Variants in SGSH observed in about 807,000 individuals in gnomAD.
SGSH encodes N-sulfoglucosamine sulfohydrolase.
A neutral mutation model predicts 51.0 loss-of-function variants in SGSH; 48 were observed. The observed-to-expected ratio is 0.94, with a 90% CI of 0.75 to 1.20. The LOEUF is 1.20. SGSH is among the 50% of genes most tolerant of loss of function. The pLI is 0.00. For missense variants in SGSH, 662 were observed against 717.8 expected (o/e 0.92, Z 0.89); for synonymous variants, 321 against 313.4 (o/e 1.02, Z -0.26).
chr17:80,209,265 A>G, downstream of SGSH: 1 of 947,966 alleles, frequency 1.1e-6, no homozygotes, highest in Non-Finnish European at 1.3e-6. Flanking sequence ...TCAGGTTGGT[A>G]TCATCATAAA....
chr17:80,204,896 C>A, downstream of SGSH: 1 of 710,674 alleles, frequency 1.4e-6, no homozygotes, highest in Non-Finnish European at 2.3e-6. Flanking sequence ...AGTCCTGTGA[C>A]CGCTGAGCCT....
Position 80,215,038 on chromosome 17 carries a change from C to A in SGSH, c.350G>T (p.Arg117Leu). ...CCTCGGCACGGGGTCCTCACCTGTGCGCACACCAGCTTGGCTGAGCAGCAG... is the reference window on the plus strand; with the variant it reads ...CCTCGGCACGGGGTCCTCACCTGTGAGCACACCAGCTTGGCTGAGCAGCAG... ...LPLLLSQAGV[R>L]TGIIGKKHVG... The change falls in exon 3 of 8, where the codon CGC (arginine) becomes CTC (leucine). Residue 117 changes from arginine (R) to leucine (L), a missense_variant. Transcript: ENST00000326317. 2 of 1,609,636 alleles carry A rather than the reference C, an allele frequency of 1.2e-6. No homozygotes were observed. Among genetic ancestry groups the A allele is most frequent in the Non-Finnish European group, 8.5e-7 (1 of 1,179,170 alleles).
At chr17:80,218,428 C>G (rs1484337206) in intron 1 of SGSH, among the ~76,000 whole-genome samples, 1 of 152,236 alleles carries the variant, frequency 6.6e-6, no homozygotes, top group Non-Finnish European at 1.5e-5. Context: ...CTTCTTCCCC[C>G]TGCTCTGGAG....
downstream of SGSH, chr17:80,203,613 G>A (rs569698744): frequency 2.0e-5 from 10 of 501,554 alleles, no homozygotes; most frequent in East Asian, 9.9e-5. This position sits in a 1 kb window ranked among gnomAD's most constrained non-coding sequence, Gnocchi z 4.6. Flanking sequence ...GGGGTGGGCC[G>A]AGGCCCTGGA....
chr17:80,208,214 C>T (rs768891477), downstream of SGSH: 62 of 1,559,066 alleles, frequency 4.0e-5, no homozygotes, highest in African/African-American at 6.3e-4. Context: ...AGACCTGGAC[C>T]GGGCGCCCTG....
chr17:80,204,877 C>T (rs1446969009), downstream of SGSH: 33 of 627,306 alleles, frequency 5.3e-5, no homozygotes, highest in East Asian at 7.8e-4. Flanking sequence ...GGCTATGGAA[C>T]TGGGAGTGAG....
At chr17:80,204,427 CA>C (rs1277527935), downstream of SGSH, 22 of 1,296,712 alleles carry the variant, frequency 1.7e-5, no homozygotes, top group Non-Finnish European at 2.2e-5. Context: ...TCAGCTGGGG[CA>C]GGGGGATGCC....
rs9913932 is a variant in SGSH at position 80,212,961 on chromosome 17, T to C, written c.746-687A>G. ...ATCCCAGCACTTTGGGAGGCTGAGGTGGGCGGATCACGAGGTCAGGAGTTC... is the reference window on the plus strand; with the variant it reads ...ATCCCAGCACTTTGGGAGGCTGAGGCGGGCGGATCACGAGGTCAGGAGTTC... On this transcript the variant is annotated intron_variant, in intron 6 of 7. Coordinates refer to ENST00000326317, the MANE Select transcript of SGSH (RefSeq NM_000199.5). The surrounding 1 kb of genome is among the most constrained non-coding windows in gnomAD (Gnocchi z 5.9). 0.027 allele frequency: 4,147 copies of C among 156,248 alleles called. 171 individuals are homozygous for C. Among genetic ancestry groups the C allele is most frequent in the African/African-American group, 0.085 (3,529 of 41,458 alleles). 9.7% of individuals were successfully genotyped at this position (156,248 alleles called of 1,614,324 possible). A position where few individuals can be genotyped will look rare whatever the true frequency, so the allele number is the denominator to read the frequency against.
rs533943166 is a variant in SGSH at position 80,213,740 on chromosome 17, G to T, written c.745+64C>A. 1.2e-5 allele frequency: 17 copies of T among 1,375,284 alleles called. No individual in the cohort carries two copies. Among genetic ancestry groups the T allele is most frequent in the Non-Finnish European group, 1.6e-5 (16 of 994,780 alleles). The allele number at this position is 1,375,284 out of a possible 1,614,324, so 85.2% of individuals were successfully genotyped here. A position where few individuals can be genotyped will look rare whatever the true frequency, so the allele number is the denominator to read the frequency against. On this transcript the variant is annotated intron_variant, in intron 6 of 7. Coordinates refer to ENST00000326317, the MANE Select transcript of SGSH (RefSeq NM_000199.5). The surrounding 1 kb of genome is among the most constrained non-coding windows in gnomAD (Gnocchi z 4.6). The stretch of plus-strand genomic sequence containing the variant: ...ACATTATGCCGTGACCTAAGAGGGC[G>T]CTGGCCCAGGATGGGGGACCCCGGC...
At chr17:80,220,054 C>A in intron 1 of SGSH, 172 bp downstream of exon 1, 1 of 523,272 alleles carries the variant, frequency 1.9e-6, no homozygotes, top group South Asian at 2.6e-5. Flanking sequence ...TCTGGGGAGA[C>A]ACCCGTGAAG....
At chr17:80,205,281 C>T, downstream of SGSH, 6 of 1,261,828 alleles carry the variant, frequency 4.8e-6, no homozygotes, top group Non-Finnish European at 5.6e-6. Flanking sequence ...CCTCCTTCCT[C>T]CCCTTCCTCC....
chr17:80,216,308 G>A (rs1209273745), intron 2 of SGSH, among the ~76,000 whole-genome samples: 1 of 151,872 alleles, frequency 6.6e-6, no homozygotes, highest in Non-Finnish European at 1.5e-5. Flanking sequence ...CAGCCTGGGT[G>A]ACAGAGTGAG....
At chr17:80,201,440 CTTTCT>C in the SGSH span, 413 of 368,270 alleles carry the variant, frequency 1.1e-3, 2 homozygotes, top group Middle Eastern at 3.4e-3. The surrounding 1 kb of genome is among the most constrained non-coding windows in gnomAD (Gnocchi z 5.0). Context: ...AACCGAGGTT[CTTTCT>C]TTTCTTTTCT....
At position 80,213,860 on chromosome 17, in the gene SGSH, G is replaced by A. The variant is rs748671633; in HGVS notation, c.689C>T (p.Pro230Leu). ...AGCGGCCAGGTCGGCTCGGGCTGCC[G>A]GGGTGTTGGGGACGAAGTAAGGCAC... ...VLVPYFVPNTPAARADLAAQY... is the reference protein window; with the variant it reads ...VLVPYFVPNTLAARADLAAQY... Residue 230 changes from proline (P) to leucine (L), a missense_variant, in exon 6 of 8, where the codon CCG becomes CTG. Coordinates refer to ENST00000326317, the MANE Select transcript of SGSH (RefSeq NM_000199.5). This position sits in a 1 kb window ranked among gnomAD's most constrained non-coding sequence, Gnocchi z 4.6. 44 of 1,608,458 alleles carry A rather than the reference G, an allele frequency of 2.7e-5. No homozygotes were observed. The highest frequency in any genetic ancestry group is 8.9e-5 in the East Asian group (4 of 44,728).
At chr17:80,203,830 A>G (rs760131784), downstream of SGSH, 6 of 1,580,434 alleles carry the variant, frequency 3.8e-6, no homozygotes, top group Admixed American at 5.5e-5. The surrounding 1 kb of genome is among the most constrained non-coding windows in gnomAD (Gnocchi z 4.6). Context: ...AGGGCTCAGC[A>G]GCAGCTCATA....
At chr17:80,208,180 G>A (rs1289070387), downstream of SGSH, 1 of 1,550,352 alleles carries the variant, frequency 6.5e-7, no homozygotes, top group East Asian at 2.4e-5. Flanking sequence ...AGCAGCTCCT[G>A]GAGGCTGCGA....
downstream of SGSH, chr17:80,205,342 C>A: frequency 8.7e-7 from 1 of 1,151,916 alleles, no homozygotes. Context: ...CCTGCTGTGT[C>A]CAGATAGTTC....
chr17:80,214,850 G>A lies in SGSH; in HGVS notation c.356-85C>T, dbSNP rs111718991. 3.3e-4 allele frequency: 492 copies of A among 1,511,896 alleles called. 2 individuals carry two copies. The African/African-American group carries it at 4.3e-3, about 13-fold the overall frequency. The allele number at this position is 1,511,896 out of a possible 1,614,324, so 93.7% of individuals were successfully genotyped here. ...TTCTCTGCCCCTCTCGGCCCTAAGC[G>A]CACTGTGGGTTCTCGTGGACACACA... On this transcript the variant is annotated intron_variant, in intron 3 of 7. Coordinates refer to ENST00000326317, the MANE Select transcript of SGSH (RefSeq NM_000199.5).
In SGSH at chr17:80,209,669, C is replaced by T. The variant is rs577158386; in HGVS notation, c.*783G>A. Reference sequence around the variant, plus strand: ...CGAAGAATTAACCCAAGCCAGAGGACGGGCATCACCACCCAGCAATGCCAG... The same window carrying T: ...CGAAGAATTAACCCAAGCCAGAGGATGGGCATCACCACCCAGCAATGCCAG... On this transcript the variant is annotated 3_prime_UTR_variant, in exon 8 of 8. Transcript: ENST00000326317. The T allele has an allele frequency of 2.5e-5, 25 of 983,890 alleles. No individual in the cohort carries two copies. Among genetic ancestry groups the T allele is most frequent in the African/African-American group, 1.4e-4 (8 of 56,480 alleles). The allele number at this position is 983,890 out of a possible 1,614,324, so 60.9% of individuals were successfully genotyped here.
Sources: allele counts gnomAD v4.1 joint callset (sites outside exome capture counted in the v4.1 genomes callset), GRCh38; gene constraint gnomAD v4.1.1; non-coding constraint Gnocchi (gnomAD v3.1); transcripts MANE v1.5; gene names NCBI Gene and HGNC (gene_info 2026-07-23, HGNC 2026-07-21).